LINS1: variants seen among roughly 807,000 people sequenced by gnomAD.
The protein encoded by LINS1 is lines homolog 1.
Under a neutral mutation model 41.6 loss-of-function variants are expected in LINS1, and 27 were observed. That is an observed-to-expected ratio of 0.65 (90% CI 0.48 to 0.89). The LOEUF (loss-of-function observed/expected upper bound fraction) is 0.89. Ranked by LOEUF, LINS1 falls within the 40% of genes least tolerant of loss-of-function variation. The probability of loss-of-function intolerance (pLI) is 0.00; values close to 1 mark genes in which losing one functional copy is unlikely to be tolerated. For missense variants in LINS1, 955 were observed against 884.1 expected, an observed-to-expected ratio of 1.08 and a Z score of -1.02; for synonymous variants, 336 against 312.9, an observed-to-expected ratio of 1.07 and a Z score of -0.78.
At chr15:100,589,034 C>A (rs574385419) in intron 1 of LINS1, among the ~76,000 whole-genome samples, 3 of 152,290 alleles carry the variant, frequency 2.0e-5, no homozygotes, top group African/African-American at 7.2e-5. Flanking sequence ...ACTTTATCTG[C>A]ATTTCTTTCT....
At chr15:100,597,159 C>T (rs919179333) in intron 1 of LINS1, among the ~76,000 whole-genome samples, 9 of 152,184 alleles carry the variant, frequency 5.9e-5, no homozygotes, top group Non-Finnish European at 1.3e-4. Context: ...TCACTGTGGT[C>T]TCCCTTTCAA....
chr15:100,587,940 A>C (rs537881488), intron 1 of LINS1, among the ~76,000 whole-genome samples: 277 of 152,344 alleles, frequency 1.8e-3, no homozygotes, highest in African/African-American at 6.4e-3. Context: ...AGGGCTGGTC[A>C]GGGAGAAAGA....
At chr15:100,599,839 G>A (rs547705881) in intron 1 of LINS1, among the ~76,000 whole-genome samples, 3 of 152,156 alleles carry the variant, frequency 2.0e-5, no homozygotes, top group African/African-American at 7.2e-5. Context: ...GCCGAGGCGG[G>A]TGGATCACCT....
chr15:100,593,120 T>C (rs2039107479), intron 1 of LINS1, among the ~76,000 whole-genome samples: 1 of 152,236 alleles, frequency 6.6e-6, no homozygotes, highest in Non-Finnish European at 1.5e-5. Context: ...AACAAGCTTT[T>C]AAGAGACACC....
chr15:100,600,537 G>A (rs1334586249), intron 1 of LINS1, among the ~76,000 whole-genome samples: 2 of 67,710 alleles, frequency 3.0e-5, no homozygotes, highest in Non-Finnish European at 2.5e-5. Flanking sequence ...TTACATTGGA[G>A]TCCTGCTGTT....
intron 3 of LINS1, 132 bp from the exon 4 acceptor site, chr15:100,575,260 A>C (rs1469054198): frequency 2.9e-6 from 2 of 695,122 alleles, no homozygotes; most frequent in East Asian, 2.8e-5. Flanking sequence ...AAGGAACAGA[A>C]GTATCCTAAT....
At chr15:100,601,792 C>CTCCATTCATT (rs2039508951) in intron 1 of LINS1, among the ~76,000 whole-genome samples, 1 of 152,132 alleles carries the variant, frequency 6.6e-6, no homozygotes, top group Admixed American at 6.5e-5. Flanking sequence ...CACGACCCCT[C>CTCCATTCATT]TCCATTCATT....
At position 100,568,258 on chromosome 15, in the gene LINS1, C is replaced by T. The variant is rs1262346930; in HGVS notation, c.*980G>A. 2 of 152,086 alleles carry T rather than the reference C, an allele frequency of 1.3e-5. No individual in the cohort carries two copies. The highest frequency in any genetic ancestry group is 6.6e-5 in the Admixed American group (1 of 15,264). 9.4% of individuals were successfully genotyped at this position (152,086 alleles called of 1,614,324 possible). ...TAATATATCGCTTTCTGTGTAAATACCCCAGAAGGAAATAGTAACTGTATT... is the reference window on the plus strand; with the variant it reads ...TAATATATCGCTTTCTGTGTAAATATCCCAGAAGGAAATAGTAACTGTATT... On this transcript the variant is annotated 3_prime_UTR_variant, in exon 7 of 7. Transcript: ENST00000314742.
chr15:100,569,701 A>G lies in LINS1; in HGVS notation c.1811T>C (p.Val604Ala). Residue 604 changes from valine to alanine, a missense_variant, in exon 7 of 7, where the codon GTG becomes GCG. Coordinates refer to ENST00000314742, the MANE Select transcript of LINS1 (RefSeq NM_001040616.3). ...SDAPSEPLKA[V>A]MSKGAHTMCA... ...CATGGTGTGAGCCCCCTTGGACATC[A>G]CAGCTTTCAGTGGTTCAGAGGGAGC... 1 of 1,613,900 alleles carries G rather than the reference A, an allele frequency of 6.2e-7. No individual in the cohort carries two copies. Among genetic ancestry groups the G allele is most frequent in the Non-Finnish European group, 8.5e-7 (1 of 1,179,886 alleles).
At chr15:100,578,297 G>T (rs1596910782) in intron 3 of LINS1, among the ~76,000 whole-genome samples, 1 of 152,024 alleles carries the variant, frequency 6.6e-6, no homozygotes, top group South Asian at 2.1e-4. Flanking sequence ...CTAATATCCA[G>T]AATCTACAAA....
rs74039428 is a variant in LINS1, at chr15:100,572,802, T to C, written c.1223-737A>G. The C allele has an allele frequency of 8.0e-3, 7,568 of 943,720 alleles. 423 individuals are homozygous for C. The African/African-American group carries it at 0.12, about 15-fold the overall frequency. The allele number at this position is 943,720 out of a possible 1,614,324, so 58.5% of individuals were successfully genotyped here. A position where few individuals can be genotyped will look rare whatever the true frequency, so the allele number is the denominator to read the frequency against. On this transcript the variant is annotated intron_variant, in intron 5 of 6. Transcript: ENST00000314742. ...CTGAGTTACTATTCTGGAAATTATATATGTAACAATTTCTTTGTCAATATA... is the reference window on the plus strand; with the variant it reads ...CTGAGTTACTATTCTGGAAATTATACATGTAACAATTTCTTTGTCAATATA...
At position 100,568,624 on chromosome 15, in the gene LINS1, G is replaced by C. The variant is rs540001168; in HGVS notation, c.*614C>G. ...GGATTCTGGCCTCCAAAACTATGAG[G>C]ATAATTCCAGGTGTCTGAAGCTGCG... is the stretch of plus-strand genomic sequence containing the variant. On this transcript the variant is annotated 3_prime_UTR_variant, in exon 7 of 7. Coordinates refer to ENST00000314742, the MANE Select transcript of LINS1 (RefSeq NM_001040616.3). 6.5e-6 allele frequency: 1 copy of C among 152,808 alleles called. No homozygotes were observed. Among genetic ancestry groups the C allele is most frequent in the Non-Finnish European group, 1.5e-5 (1 of 68,398 alleles). 9.5% of individuals were successfully genotyped at this position (152,808 alleles called of 1,614,324 possible). A position where few individuals can be genotyped will look rare whatever the true frequency, so the allele number is the denominator to read the frequency against.
At chr15:100,598,887 A>G (rs958002957) in intron 1 of LINS1, among the ~76,000 whole-genome samples, 2 of 151,994 alleles carry the variant, frequency 1.3e-5, no homozygotes, top group Non-Finnish European at 2.9e-5. Context: ...TCTCTCCACC[A>G]CCAAGTGCTT....
intron 5 of LINS1, chr15:100,572,627 T>C: frequency 2.0e-6 from 2 of 987,394 alleles, no homozygotes; most frequent in Non-Finnish European, 2.4e-6. Flanking sequence ...GAATTATAAC[T>C]AATGTGTAGT....
chr15:100,580,146 G>A lies in LINS1; in HGVS notation c.489+117C>T, dbSNP rs191637383. The stretch of plus-strand genomic sequence containing the variant: ...AGGCTGAGGCAGGAGGATTGCTTGA[G>A]CCCAGAAGTTTGAGATCAGATTGGG... On this transcript the variant is annotated intron_variant, in intron 3 of 6. Coordinates refer to ENST00000314742, the MANE Select transcript of LINS1 (RefSeq NM_001040616.3). 2.0e-4 allele frequency: 158 copies of A among 803,470 alleles called. No homozygotes were observed. In the East Asian group the frequency reaches 4.1e-3, roughly 21 times the overall value. 49.8% of individuals were successfully genotyped at this position (803,470 alleles called of 1,614,324 possible). A position where few individuals can be genotyped will look rare whatever the true frequency, so the allele number is the denominator to read the frequency against.
At chr15:100,594,599 C>A (rs529936497) in intron 1 of LINS1, among the ~76,000 whole-genome samples, 13 of 152,258 alleles carry the variant, frequency 8.5e-5, no homozygotes, top group African/African-American at 3.1e-4. Flanking sequence ...ACACATCCTC[C>A]TAGGTATTTT....
chr15:100,571,684 T>C (rs1454681460), intron 6 of LINS1, among the ~76,000 whole-genome samples: 1 of 152,216 alleles, frequency 6.6e-6, no homozygotes, highest in Admixed American at 6.5e-5. Flanking sequence ...AATCTAGTTA[T>C]ACTACCTGAG....
chr15:100,573,519 A>G (rs544384666), intron 5 of LINS1, 132 bp downstream of exon 5: 34 of 726,396 alleles, frequency 4.7e-5, no homozygotes, highest in African/African-American at 3.4e-4. Flanking sequence ...TGAAAATGTA[A>G]TAAGTTACAA....
chr15:100,581,985 T>C (rs1237167884), intron 1 of LINS1, among the ~76,000 whole-genome samples: 2 of 152,256 alleles, frequency 1.3e-5, no homozygotes, highest in African/African-American at 2.4e-5. Context: ...ACTCTTGAAA[T>C]TTACCCTTTA....
Sources: allele counts gnomAD v4.1 joint callset (sites outside exome capture counted in the v4.1 genomes callset), GRCh38; gene constraint gnomAD v4.1.1; transcripts MANE v1.5; gene names NCBI Gene and HGNC (gene_info 2026-07-23, HGNC 2026-07-21).